The following SORCS2 variants were observed in gnomAD, a reference collection of about 807,000 sequenced individuals.
SORCS2 encodes the protein sortilin related VPS10 domain containing receptor 2, also known as VPS10 domain-containing receptor SorCS2.
A neutral mutation model predicts 141.6 loss-of-function variants in SORCS2; 100 were observed. The observed-to-expected ratio is 0.71, with a 90% confidence interval of 0.60 to 0.83. SORCS2 has a LOEUF of 0.83. Among genes scored for constraint, SORCS2 ranks in the 40% least tolerant of loss-of-function variants. SORCS2 has a pLI of 0.00. For missense variants in SORCS2, 1,646 were observed against 1,560.2 expected, an observed-to-expected ratio of 1.05 and a Z score of -0.93; for synonymous variants, 789 against 676.9, an observed-to-expected ratio of 1.17 and a Z score of -2.57.
intron 4 of SORCS2, among the ~76,000 whole-genome samples, chr4:7,645,223 C>T (rs951135226): frequency 2.0e-5 from 3 of 152,162 alleles, no homozygotes; most frequent in African/African-American, 7.2e-5. Context: ...GGTGCCTGGC[C>T]TGAGTCACTC....
chr4:7,230,174 G>T (rs1458470267), intron 1 of SORCS2, among the ~76,000 whole-genome samples: 1 of 139,484 alleles, frequency 7.2e-6, no homozygotes, highest in East Asian at 2.3e-4. Flanking sequence ...GATGAAGATG[G>T]TCAAGTCTTT....
intron 1 of SORCS2, among the ~76,000 whole-genome samples, chr4:7,340,215 C>A (rs1720283130): frequency 6.6e-6 from 1 of 152,232 alleles, no homozygotes; most frequent in Admixed American, 6.5e-5. Flanking sequence ...GCTGAGCCAG[C>A]ACCACAACCC....
intron 14 of SORCS2, among the ~76,000 whole-genome samples, chr4:7,709,503 C>G (rs182902436): frequency 2.2e-4 from 33 of 152,368 alleles, no homozygotes; most frequent in Non-Finnish European, 3.7e-4. Flanking sequence ...AGCAACAGAA[C>G]AGTTCCTCCA....
At chr4:7,384,417 A>G (rs538762115) in intron 1 of SORCS2, among the ~76,000 whole-genome samples, 1 of 152,262 alleles carries the variant, frequency 6.6e-6, no homozygotes, top group South Asian at 2.1e-4. Flanking sequence ...TGGGTGAGGC[A>G]TCCTGCCTGC....
intron 2 of SORCS2, among the ~76,000 whole-genome samples, chr4:7,508,589 T>A (rs1396219911): frequency 1.3e-5 from 2 of 152,060 alleles, no homozygotes; most frequent in Admixed American, 6.6e-5. Context: ...CCATCCACCT[T>A]GGCCTCCCAA....
intron 1 of SORCS2, among the ~76,000 whole-genome samples, chr4:7,304,107 T>C (rs1421328443): frequency 1.3e-5 from 2 of 152,248 alleles, no homozygotes; most frequent in Non-Finnish European, 2.9e-5. Context: ...GACGCCTATA[T>C]GTGCCAGGCA....
At chr4:7,730,976 A>C (rs1206442987) in intron 23 of SORCS2, among the ~76,000 whole-genome samples, 1 of 152,266 alleles carries the variant, frequency 6.6e-6, no homozygotes, top group Non-Finnish European at 1.5e-5. Flanking sequence ...TGGCCCGTGC[A>C]GGGGAAGGAC....
chr4:7,364,190 C>G (rs1321230963), intron 1 of SORCS2, among the ~76,000 whole-genome samples: 2 of 152,342 alleles, frequency 1.3e-5, no homozygotes, highest in African/African-American at 2.4e-5. Flanking sequence ...TATGCACAGG[C>G]TGGGGATTAG....
At chr4:7,681,012 A>G (rs1041947142) in intron 9 of SORCS2, among the ~76,000 whole-genome samples, 12 of 152,374 alleles carry the variant, frequency 7.9e-5, no homozygotes, top group Middle Eastern at 3.4e-3. Context: ...CTCAGATGAT[A>G]AGGTTTGGAA....
At chr4:7,204,738 T>C (rs1395869035) in intron 1 of SORCS2, among the ~76,000 whole-genome samples, 2 of 152,150 alleles carry the variant, frequency 1.3e-5, no homozygotes, top group Non-Finnish European at 2.9e-5. Flanking sequence ...TCTGTTCTCA[T>C]AACCTCTGAA....
At chr4:7,308,978 T>C (rs991654112) in intron 1 of SORCS2, among the ~76,000 whole-genome samples, 2 of 152,164 alleles carry the variant, frequency 1.3e-5, no homozygotes, top group African/African-American at 4.8e-5. Flanking sequence ...CTGGGGCCCA[T>C]GGTTCTGGTA....
chr4:7,724,142 ATGGTCGTGG>A (rs1726817772), intron 19 of SORCS2, among the ~76,000 whole-genome samples: 2 of 99,316 alleles, frequency 2.0e-5, no homozygotes, highest in Non-Finnish European at 4.2e-5. Context: ...GGTGGTGGTG[ATGGTCGTGG>A]TGGTGGTGGT....
At chr4:7,628,380 G>A (rs541444547) in intron 3 of SORCS2, among the ~76,000 whole-genome samples, 64 of 152,210 alleles carry the variant, frequency 4.2e-4, no homozygotes, top group African/African-American at 1.4e-3. Flanking sequence ...TTAGCCTGGC[G>A]TGGTGGCGGG....
intron 3 of SORCS2, among the ~76,000 whole-genome samples, chr4:7,607,549 C>G (rs1038486212): frequency 1.9e-4 from 29 of 152,142 alleles, no homozygotes; most frequent in African/African-American, 6.5e-4. Flanking sequence ...TTACAACAGC[C>G]CTGAGTGTCA....
At chr4:7,229,024 G>A (rs1335969078) in intron 1 of SORCS2, among the ~76,000 whole-genome samples, 2 of 152,192 alleles carry the variant, frequency 1.3e-5, no homozygotes, top group African/African-American at 4.8e-5. Context: ...GCTCTGCTTC[G>A]TGGCCTGGTC....
intron 3 of SORCS2, among the ~76,000 whole-genome samples, chr4:7,546,596 G>C (rs1476144426): frequency 6.6e-6 from 1 of 151,958 alleles, no homozygotes; most frequent in Non-Finnish European, 1.5e-5. Context: ...CACGTGTGCA[G>C]GGTGACCGTG....
At chr4:7,731,019 C>A (rs1375212427) in intron 23 of SORCS2, among the ~76,000 whole-genome samples, 1 of 152,202 alleles carries the variant, frequency 6.6e-6, no homozygotes, top group East Asian at 1.9e-4. Flanking sequence ...CGTGGTGCCA[C>A]GTCCCATTTT....
intron 1 of SORCS2, among the ~76,000 whole-genome samples, chr4:7,227,680 G>A (rs1358834703): frequency 6.6e-6 from 1 of 152,162 alleles, no homozygotes; most frequent in Non-Finnish European, 1.5e-5. Flanking sequence ...CCACCGCGCT[G>A]CTTCCTCCCT....
intron 1 of SORCS2, among the ~76,000 whole-genome samples, chr4:7,255,555 T>G (rs999845989): frequency 2.0e-5 from 3 of 152,112 alleles, no homozygotes; most frequent in Non-Finnish European, 4.4e-5. Context: ...GCCTGATGCC[T>G]TCTCCCTGTC....
Sources: gnomAD v4.1 joint callset for allele counts (sites outside exome capture counted in the v4.1 genomes callset) on GRCh38, gnomAD v4.1.1 for gene constraint, MANE v1.5 for transcripts, NCBI Gene and HGNC (gene_info 2026-07-23, HGNC 2026-07-21) for gene names.